Variants in PRRC2B observed in about 807,000 individuals in gnomAD.
The protein encoded by PRRC2B is proline rich coiled-coil 2B.
A neutral mutation model predicts 242.3 loss-of-function variants in PRRC2B; 68 were observed. The observed-to-expected ratio is 0.28, with a 90% CI of 0.23 to 0.34. The LOEUF (loss-of-function observed/expected upper bound fraction) is 0.34. PRRC2B is among the 10% of genes least tolerant of loss of function. PRRC2B has a pLI of 1.00. For missense variants in PRRC2B, 2,835 were observed against 2,954.8 expected (o/e 0.96, Z 0.94); for synonymous variants, 1,228 against 1,173.6 (o/e 1.05, Z -0.95).
chr9:131,437,024 T>G (rs1470390192), intron 4 of PRRC2B, among the ~76,000 whole-genome samples: 1 of 152,142 alleles, frequency 6.6e-6, no homozygotes, highest in Non-Finnish European at 1.5e-5. Context: ...GACTGCAGAC[T>G]AGTTCAGGGT....
In PRRC2B at chr9:131,496,046, C is replaced by T; in HGVS notation, c.*172C>T. ...AGCTCCGTTGTCAACCAGCTTGCAC[C>T]CGTGGATATATGGCATTGACCCGCT... On this transcript the variant is annotated 3_prime_UTR_variant, in exon 32 of 32. Coordinates refer to ENST00000683519, the MANE Select transcript of PRRC2B (RefSeq NM_013318.4). 1.1e-6 allele frequency: 1 copy of T among 879,818 alleles called. No individual in the cohort carries two copies. Among genetic ancestry groups the T allele is most frequent in the South Asian group, 1.8e-5 (1 of 55,948 alleles). 54.5% of individuals were successfully genotyped at this position (879,818 alleles called of 1,614,324 possible). A position where few individuals can be genotyped will look rare whatever the true frequency, so the allele number is the denominator to read the frequency against.
chr9:131,420,476 T>TCC (rs1323914772), intron 1 of PRRC2B, among the ~76,000 whole-genome samples: 8 of 13,040 alleles, frequency 6.1e-4, no homozygotes, highest in African/African-American at 1.3e-3. Context: ...TTTCTTTCTT[T>TCC]CTTTCTTTCT....
rs781496707 is a variant in PRRC2B, at chr9:131,475,741, C to T, written c.3612C>T (p.Ala1204=). The T allele has an allele frequency of 6.2e-7, 1 of 1,613,400 alleles. No individual in the cohort carries two copies. The highest frequency in any genetic ancestry group is 1.1e-5 in the South Asian group (1 of 91,020). The change falls in exon 16 of 32, where the codon GCC becomes GCT. Residue 1204 remains alanine (A), a synonymous_variant. Transcript: ENST00000683519. ...GAGGCCCTCGGGCCTTTGGGCGAGC[C>T]CTCCCTCCCCGGCTGAGCAATTGCG... ...KSRGPRAFGR[A]LPPRLSNCGY... is the part of the protein sequence containing the mutation.
chr9:131,446,615 T>C lies in PRRC2B; in HGVS notation c.828T>C (p.Pro276=). The change falls in exon 7 of 32, where the codon CCT becomes CCC. Residue 276 remains proline (P), a synonymous_variant. Transcript: ENST00000683519. The surrounding 1 kb of genome is among the most constrained non-coding windows in gnomAD (Gnocchi z 4.1). ...SQFMGNVYHP[P]TYHDMLPAFM... ...TCATGGGAAATGTATACCACCCACC[T>C]ACATACCATGACATGCTTCCTGCTT... The C allele has an allele frequency of 6.2e-7, 1 of 1,614,018 alleles. No homozygotes were observed. The highest frequency in any genetic ancestry group is 8.5e-7 in the Non-Finnish European group (1 of 1,179,880).
At position 131,470,888 on chromosome 9, in the gene PRRC2B, A is replaced by G. The variant is rs1298368939; in HGVS notation, c.2012A>G (p.Asp671Gly). The G allele has an allele frequency of 1.9e-6, 3 of 1,604,334 alleles. No individual in the cohort carries two copies. Among genetic ancestry groups the G allele is most frequent in the South Asian group, 1.1e-5 (1 of 90,784 alleles). ...CACCACCCCCAGATGTTGGGCTTCG[A>G]TCCCAGGTGGATGATGATGCCTTCC... Reference protein sequence around the residue: ...YPHHPQMLGFDPRWMMMPSYM... With the variant: ...YPHHPQMLGFGPRWMMMPSYM... Residue 671 changes from aspartate (D) to glycine (G), a missense_variant, in exon 14 of 32, where the codon GAT becomes GGT. Transcript: ENST00000683519.
At position 131,410,124 on chromosome 9, in the gene PRRC2B, C is replaced by T. The variant is rs866993602; in HGVS notation, c.-52+15861C>T. Among the ~76,000 whole-genome samples, 6 of 152,292 alleles carry T rather than the reference C, an allele frequency of 3.9e-5. No homozygotes were observed. In the South Asian group the frequency reaches 8.3e-4, roughly 21 times the overall value. On this transcript the variant is annotated intron_variant, in intron 1 of 31. Transcript: ENST00000683519. ...GTTGAAATCATCTTCTTCCCCACCC[C>T]CCTTGCTAAATTAACCGCATCTTCA...
At chr9:131,457,346 T>C (rs1943110904) in intron 10 of PRRC2B, among the ~76,000 whole-genome samples, 1 of 152,246 alleles carries the variant, frequency 6.6e-6, no homozygotes, top group South Asian at 2.1e-4. Context: ...GGACACTCTG[T>C]GTTCCTTGTC....
At chr9:131,483,512 A>G (rs934954779) in intron 23 of PRRC2B, 67 bp downstream of exon 23, 1 of 1,383,682 alleles carries the variant, frequency 7.2e-7, no homozygotes, top group Non-Finnish European at 1.0e-6. Context: ...GGTGAAGGAG[A>G]CAGCACATGT....
chr9:131,434,186 T>C (rs547307316), intron 3 of PRRC2B, among the ~76,000 whole-genome samples: 7 of 152,340 alleles, frequency 4.6e-5, no homozygotes, highest in South Asian at 2.1e-4. Flanking sequence ...GGGGCAGATA[T>C]TGGCTGCTGT....
chr9:131,426,509 T>C (rs1837981645), intron 1 of PRRC2B, among the ~76,000 whole-genome samples: 1 of 152,096 alleles, frequency 6.6e-6, no homozygotes, highest in South Asian at 2.1e-4. Flanking sequence ...TTATGACTTT[T>C]GGGGAGTGGG....
At chr9:131,423,569 A>G (rs1480822152) in intron 1 of PRRC2B, among the ~76,000 whole-genome samples, 1 of 152,200 alleles carries the variant, frequency 6.6e-6, no homozygotes, top group Non-Finnish European at 1.5e-5. Flanking sequence ...AATCCGAATG[A>G]TTCTGGTTTA....
intron 11 of PRRC2B, among the ~76,000 whole-genome samples, chr9:131,461,650 T>C (rs1943245391): frequency 1.3e-5 from 2 of 152,228 alleles, no homozygotes. Context: ...CAAGCGATTC[T>C]CCTGCCTCAG....
chr9:131,499,174 A>C lies in PRRC2B; in HGVS notation c.*3300A>C, dbSNP rs1564306960. The C allele has an allele frequency of 6.6e-6, 1 of 152,214 alleles. No individual in the cohort carries two copies. Among genetic ancestry groups the C allele is most frequent in the Non-Finnish European group, 1.5e-5 (1 of 68,058 alleles). 9.4% of individuals were successfully genotyped at this position (152,214 alleles called of 1,614,324 possible). ...TTAAACGTTGACATCAGTGCTCTCC[A>C]GCCGTGCTGTCACCCTCCTATCTTC... On this transcript the variant is annotated 3_prime_UTR_variant, in exon 32 of 32. Transcript: ENST00000683519.
chr9:131,379,996 AT>A (rs367676624), intron 1 of PRRC2B, among the ~76,000 whole-genome samples: 13,167 of 124,696 alleles, frequency 0.11, 593 homozygotes, highest in Middle Eastern at 0.17. Context: ...ATATATAATA[AT>A]TTTTTTTTTT....
In PRRC2B at chr9:131,490,893, C is replaced by T. The variant is rs1255538737; in HGVS notation, c.6226-532C>T. 9.5e-6 allele frequency: 3 copies of T among 315,420 alleles called. No homozygotes were observed. The East Asian group carries it at 2.3e-4, about 24-fold the overall frequency. 19.5% of individuals were successfully genotyped at this position (315,420 alleles called of 1,614,324 possible). On this transcript the variant is annotated intron_variant, in intron 28 of 31. Transcript: ENST00000683519. ...CTTTCCTCACTCGTCCTCTCCTTGC[C>T]CACCCCGCCCCGTGTGCACCCATAA...
At chr9:131,375,467 T>G (rs1187384920) in intron 1 of PRRC2B, among the ~76,000 whole-genome samples, 1 of 151,952 alleles carries the variant, frequency 6.6e-6, no homozygotes, top group Non-Finnish European at 1.5e-5. Context: ...TTTGTGAGGA[T>G]TGAATGAGTT....
intron 4 of PRRC2B, among the ~76,000 whole-genome samples, chr9:131,437,205 G>A (rs1424208115): frequency 6.6e-6 from 1 of 152,176 alleles, no homozygotes; most frequent in Admixed American, 6.5e-5. Context: ...TACCTAATGT[G>A]ACTCTCTGAG....
chr9:131,446,670 C>T lies in PRRC2B; in HGVS notation c.855+28C>T, dbSNP rs756625675. 4.7e-5 allele frequency: 75 copies of T among 1,610,852 alleles called. No homozygotes were observed. The highest frequency in any genetic ancestry group is 6.3e-5 in the Non-Finnish European group (74 of 1,177,688). On this transcript the variant is annotated intron_variant, in intron 7 of 31. Coordinates refer to ENST00000683519, the MANE Select transcript of PRRC2B (RefSeq NM_013318.4). This position sits in a 1 kb window ranked among gnomAD's most constrained non-coding sequence, Gnocchi z 4.1. ...AAGTCTTCAGAGTGTACTTTTTTTC[C>T]CCCCATGAAGTTGGATTGTGTCCAG...
At chr9:131,442,294 G>A (rs762859272) in intron 5 of PRRC2B, among the ~76,000 whole-genome samples, 15 of 151,886 alleles carry the variant, frequency 9.9e-5, no homozygotes, top group East Asian at 5.8e-4. Context: ...CACCATGCCC[G>A]GCTAATTTTT....
Sources: allele counts gnomAD v4.1 joint callset (sites outside exome capture counted in the v4.1 genomes callset), GRCh38; gene constraint gnomAD v4.1.1; non-coding constraint Gnocchi (gnomAD v3.1); transcripts MANE v1.5; gene names NCBI Gene and HGNC (gene_info 2026-07-23, HGNC 2026-07-21).